The following ADAMTS3 variants were observed in gnomAD, a reference collection of about 807,000 sequenced individuals.
ADAMTS3 encodes the protein ADAM metallopeptidase with thrombospondin type 1 motif 3, also known as A disintegrin and metalloproteinase with thrombospondin motifs 3.
In ADAMTS3, 73 loss-of-function variants were observed where a neutral mutation model predicts 129.0. That is an observed-to-expected ratio of 0.57 (90% CI 0.47 to 0.69). The LOEUF is 0.69. Ranked by LOEUF, ADAMTS3 falls within the 30% of genes least tolerant of loss-of-function variation. The pLI, the probability that ADAMTS3 is intolerant of heterozygous loss-of-function variation, is 0.00. For synonymous variants in ADAMTS3, 477 were observed against 510.8 expected (o/e 0.93, Z 0.89); for missense variants, 1,457 against 1,514.5 (o/e 0.96, Z 0.63).
At chr4:72,336,709 A>T (rs150148802) in intron 5 of ADAMTS3, among the ~76,000 whole-genome samples, 146 of 152,260 alleles carry the variant, frequency 9.6e-4, no homozygotes, top group East Asian at 9.5e-3. Flanking sequence ...ATTTAGAACA[A>T]GGTTTCTAAA....
chr4:72,388,492 C>T, intron 4 of ADAMTS3, among the ~76,000 whole-genome samples: 1 of 152,224 alleles, frequency 6.6e-6, no homozygotes, highest in African/African-American at 2.4e-5. Context: ...TTTCTCAATG[C>T]ATTTTCTCCA....
At chr4:72,363,610 A>G (rs1720784104) in intron 4 of ADAMTS3, among the ~76,000 whole-genome samples, 1 of 152,194 alleles carries the variant, frequency 6.6e-6, no homozygotes, top group Non-Finnish European at 1.5e-5. Context: ...TCAAAGATCA[A>G]AGAATAGTCT....
At chr4:72,323,233 G>C (rs1578582163) in intron 5 of ADAMTS3, 136 bp from the exon 6 acceptor site, 1 of 679,700 alleles carries the variant, frequency 1.5e-6, no homozygotes, top group Non-Finnish European at 2.6e-6. Flanking sequence ...GCTGAACTCT[G>C]AAAGGTAGTC....
At chr4:72,537,257 A>G (rs1721204210) in intron 3 of ADAMTS3, among the ~76,000 whole-genome samples, 1 of 152,202 alleles carries the variant, frequency 6.6e-6, no homozygotes, top group Non-Finnish European at 1.5e-5. Flanking sequence ...TTCTCCAAAT[A>G]TCTGGGATCC....
intron 4 of ADAMTS3, among the ~76,000 whole-genome samples, chr4:72,407,862 T>C (rs1039539411): frequency 1.1e-5 from 1 of 88,642 alleles, no homozygotes; most frequent in African/African-American, 3.4e-5. Flanking sequence ...TACAGGAATA[T>C]GCTGTATATA....
At chr4:72,316,072 G>T in intron 10 of ADAMTS3, 101 bp from the exon 11 acceptor site, 1 of 568,166 alleles carries the variant, frequency 1.8e-6, no homozygotes, top group Non-Finnish European at 2.9e-6. Flanking sequence ...TCTTGGATGT[G>T]TTTATTTCAA....
chr4:72,413,943 G>A lies in ADAMTS3; in HGVS notation c.661+872C>T, dbSNP rs1267661402. ...TATTCTGTTCATAAATAATTTTAGG[G>A]GAAGTTAGTAGCATCTGAAAATCAA... On this transcript the variant is annotated intron_variant, in intron 4 of 21. Transcript: ENST00000286657. 2.0e-5 allele frequency among the ~76,000 whole-genome samples: 3 copies of A among 151,734 alleles called. No individual in the cohort carries two copies. The East Asian group carries it at 5.8e-4, about 29-fold the overall frequency.
intron 4 of ADAMTS3, among the ~76,000 whole-genome samples, chr4:72,375,451 A>G (rs971244669): frequency 6.6e-6 from 1 of 152,170 alleles, no homozygotes; most frequent in South Asian, 2.1e-4. Context: ...GAAAAGACAG[A>G]GCTTAAATGA....
At chr4:72,428,548 T>C (rs996127760) in intron 3 of ADAMTS3, among the ~76,000 whole-genome samples, 7 of 152,064 alleles carry the variant, frequency 4.6e-5, no homozygotes, top group Non-Finnish European at 1.0e-4. Flanking sequence ...GCTGATTAAA[T>C]GCTCATTTTT....
At chr4:72,483,891 G>A (rs889387079) in intron 3 of ADAMTS3, among the ~76,000 whole-genome samples, 11 of 151,986 alleles carry the variant, frequency 7.2e-5, no homozygotes, top group South Asian at 2.1e-4. Context: ...GGTGGCAGGC[G>A]CCTGTAGTCC....
At chr4:72,552,683 T>C (rs1721674231) in intron 2 of ADAMTS3, among the ~76,000 whole-genome samples, 1 of 152,156 alleles carries the variant, frequency 6.6e-6, no homozygotes, top group South Asian at 2.1e-4. Context: ...AGCTGGGGAT[T>C]CTCACATCTC....
Position 72,312,282 on chromosome 4 carries a change from G to A in ADAMTS3, c.1921+9C>T. ...CACACAGCAGGAAGGAGAGCACGAG[G>A]CTACTCACGGTCAGGATGTTCATAT... On this transcript the variant is annotated intron_variant, in intron 13 of 21. Transcript: ENST00000286657. The A allele has an allele frequency of 6.2e-7, 1 of 1,613,296 alleles. No individual in the cohort carries two copies. The highest frequency in any genetic ancestry group is 8.5e-7 in the Non-Finnish European group (1 of 1,179,522).
chr4:72,447,248 C>T (rs1718279432), intron 3 of ADAMTS3, among the ~76,000 whole-genome samples: 1 of 151,712 alleles, frequency 6.6e-6, no homozygotes, highest in Admixed American at 6.6e-5. Context: ...GTTATTCTAA[C>T]TGCCAGCATG....
At chr4:72,322,750 T>A (rs1230284379) in intron 6 of ADAMTS3, among the ~76,000 whole-genome samples, 1 of 152,156 alleles carries the variant, frequency 6.6e-6, no homozygotes, top group Non-Finnish European at 1.5e-5. Flanking sequence ...TTTCCATTCA[T>A]AAGTCACACC....
chr4:72,514,587 G>A (rs926465960), intron 3 of ADAMTS3, among the ~76,000 whole-genome samples: 16 of 152,148 alleles, frequency 1.1e-4, no homozygotes, highest in African/African-American at 3.4e-4. Context: ...GCTTTGCCAC[G>A]TACCTGCCTA....
intron 3 of ADAMTS3, 95 bp from the exon 4 acceptor site, chr4:72,415,066 T>C (rs1357570659): frequency 1.0e-6 from 1 of 966,920 alleles, no homozygotes; most frequent in African/African-American, 1.7e-5. Context: ...ATATGACTTG[T>C]GAAAACTAAC....
At chr4:72,358,814 G>A (rs1720647055) in intron 4 of ADAMTS3, among the ~76,000 whole-genome samples, 1 of 151,898 alleles carries the variant, frequency 6.6e-6, no homozygotes, top group Non-Finnish European at 1.5e-5. Context: ...CTCAGACTTG[G>A]ATAGGAGACA....
rs143676863 is a variant in ADAMTS3 at position 72,513,036 on chromosome 4, T to C, written c.504+35442A>G. Reference sequence around the variant, plus strand: ...AAACACTCCTTAATTCTATCTATTGTCTCAGCTTCAGTTACCTCCTTTAAA... The same window carrying C: ...AAACACTCCTTAATTCTATCTATTGCCTCAGCTTCAGTTACCTCCTTTAAA... On this transcript the variant is annotated intron_variant, in intron 3 of 21. Transcript: ENST00000286657. Among the ~76,000 whole-genome samples, 1,062 of 152,266 alleles carry C rather than the reference T, an allele frequency of 7.0e-3. 13 individuals carry two copies. The highest frequency in any genetic ancestry group is 0.024 in the African/African-American group (1,007 of 41,546).
intron 3 of ADAMTS3, among the ~76,000 whole-genome samples, chr4:72,416,278 T>C (rs998347081): frequency 6.6e-6 from 1 of 151,612 alleles, no homozygotes; most frequent in Admixed American, 6.6e-5. Context: ...ATCTGTCCTT[T>C]TCCTTTCTGT....
Sources: allele counts gnomAD v4.1 joint callset (sites outside exome capture counted in the v4.1 genomes callset), GRCh38; gene constraint gnomAD v4.1.1; transcripts MANE v1.5; gene names NCBI Gene and HGNC (gene_info 2026-07-23, HGNC 2026-07-21).